CTBP2: variants seen among roughly 807,000 people sequenced by gnomAD.
CTBP2 encodes the protein C-terminal-binding protein 2.
A neutral mutation model predicts 80.3 loss-of-function variants in CTBP2; 30 were observed. The observed-to-expected ratio is 0.37, with a 90% confidence interval of 0.28 to 0.51. The LOEUF is 0.51. Ranked by LOEUF, CTBP2 falls within the 20% of genes least tolerant of loss-of-function variation. The pLI is 0.93. For synonymous variants in CTBP2, 594 were observed against 587.4 expected (o/e 1.01, Z -0.16); for missense variants, 1,212 against 1,375.3 (o/e 0.88, Z 1.88).
rs58704482 is a variant in CTBP2, at chr10:125,040,386, T to G, written c.-101-1231A>C. Among the ~76,000 whole-genome samples, 540 of 137,110 alleles carry G rather than the reference T, an allele frequency of 3.9e-3. 4 individuals are homozygous for G. Among genetic ancestry groups the G allele is most frequent in the African/African-American group, 0.015 (522 of 35,472 alleles). 89.9% of individuals were successfully genotyped at this position (137,110 alleles called of 152,430 possible). ...AAAAGAATCACGTGAATCTGGGAGG[T>G]GGAGGTTGCAGTGAGCTGAGGTTGT... On this transcript the variant is annotated intron_variant, in intron 2 of 10. Transcript: ENST00000337195.
chr10:125,043,989 G>A (rs11245481), intron 2 of CTBP2, among the ~76,000 whole-genome samples: 30,661 of 152,202 alleles, frequency 0.2, 3,839 homozygotes, highest in East Asian at 0.3. Context: ...TCCTGCCAAA[G>A]TTCTCTGAGT....
intron 2 of CTBP2, among the ~76,000 whole-genome samples, chr10:125,110,127 G>A (rs181919326): frequency 5.9e-5 from 9 of 152,316 alleles, no homozygotes; most frequent in African/African-American, 1.7e-4. Flanking sequence ...AAACCTCTCT[G>A]GGAACCAAAG....
At chr10:124,997,056 CGG>C (rs924035669) in intron 4 of CTBP2, 1 of 152,478 alleles carries the variant, frequency 6.6e-6, no homozygotes, top group Non-Finnish European at 1.5e-5. Context: ...GAGAGGAGCA[CGG>C]GGGCTTCGTC....
At chr10:125,044,408 T>G (rs944893830) in intron 2 of CTBP2, among the ~76,000 whole-genome samples, 5 of 151,868 alleles carry the variant, frequency 3.3e-5, no homozygotes, top group African/African-American at 1.2e-4. Flanking sequence ...CACCAATGAC[T>G]TCTGCCCAGA....
At chr10:124,992,558 C>T (rs1952822396) in intron 8 of CTBP2, 137 bp downstream of exon 10, 1 of 608,622 alleles carries the variant, frequency 1.6e-6, no homozygotes, top group East Asian at 2.8e-5. Flanking sequence ...GTACACAGTT[C>T]CTGCTGAGAA....
chr10:125,148,849 T>G (rs1456894418), intron 1 of CTBP2, among the ~76,000 whole-genome samples: 1 of 152,226 alleles, frequency 6.6e-6, no homozygotes, highest in South Asian at 2.1e-4. Flanking sequence ...TGAAGCCTCA[T>G]TCTTAATCCC....
intron 2 of CTBP2, among the ~76,000 whole-genome samples, chr10:125,098,750 C>CAGAGAGAGAGAGAGAGAGAGAGAG (rs1265217140): frequency 1.3e-5 from 1 of 75,482 alleles, no homozygotes; most frequent in Non-Finnish European, 2.4e-5. Context: ...GAGAGAGAGA[C>CAGAGAGAGAGAGAGAGAGAGAGAG]AGAGAGAGAG....
chr10:125,062,594 T>C (rs931332680), intron 2 of CTBP2, among the ~76,000 whole-genome samples: 12 of 152,134 alleles, frequency 7.9e-5, no homozygotes, highest in Non-Finnish European at 1.5e-5. Flanking sequence ...CCGGGTGCGG[T>C]AGCTCACACC....
At chr10:125,121,915 C>A (rs991547972) in intron 1 of CTBP2, among the ~76,000 whole-genome samples, 2 of 152,198 alleles carry the variant, frequency 1.3e-5, no homozygotes, top group African/African-American at 4.8e-5. Context: ...GTCCTCGATG[C>A]AGGTGACGCA....
At chr10:125,032,444 C>T (rs1399435297), upstream of CTBP2, among the ~76,000 whole-genome samples, 2 of 152,210 alleles carry the variant, frequency 1.3e-5, no homozygotes, top group African/African-American at 4.8e-5. Context: ...GAGCAATGCT[C>T]CTAATCAGGG....
intron 3 of CTBP2, 191 bp from the exon 6 acceptor site, chr10:124,998,361 C>A (rs1157459418): frequency 4.8e-6 from 3 of 629,582 alleles, no homozygotes; most frequent in Non-Finnish European, 8.3e-6. Context: ...AAGCTCTAGC[C>A]CCAACATCTA....
chr10:125,161,197 A>G (rs1300074335), upstream of CTBP2: 1 of 151,086 alleles, frequency 6.6e-6, no homozygotes, highest in Non-Finnish European at 1.5e-5. Flanking sequence ...GCTCCGCGAA[A>G]GTGCACACAA....
At chr10:125,161,904 G>A (rs983528259), upstream of CTBP2, among the ~76,000 whole-genome samples, 1 of 152,118 alleles carries the variant, frequency 6.6e-6, no homozygotes, top group Admixed American at 6.5e-5. Flanking sequence ...GTTGGAGTCT[G>A]CACAGCGAGC....
intron 2 of CTBP2, among the ~76,000 whole-genome samples, chr10:125,055,388 C>A (rs534270389): frequency 7.7e-4 from 117 of 152,250 alleles, no homozygotes; most frequent in Non-Finnish European, 1.4e-3. Flanking sequence ...CCTCATGTGC[C>A]CAGATGCTTG....
At chr10:125,070,998 G>A (rs1315673875) in intron 2 of CTBP2, among the ~76,000 whole-genome samples, 1 of 152,218 alleles carries the variant, frequency 6.6e-6, no homozygotes, top group East Asian at 1.9e-4. Flanking sequence ...CCCTCACACT[G>A]CATTCCTGCA....
At chr10:125,075,455 C>T (rs1846136426) in intron 2 of CTBP2, among the ~76,000 whole-genome samples, 1 of 152,154 alleles carries the variant, frequency 6.6e-6, no homozygotes, top group Non-Finnish European at 1.5e-5. Context: ...GCCCCTTGGT[C>T]AGGGAATGAC....
intron 1 of CTBP2, among the ~76,000 whole-genome samples, chr10:125,014,071 C>T (rs1034406226): frequency 4.6e-5 from 7 of 152,180 alleles, no homozygotes; most frequent in African/African-American, 1.7e-4. Context: ...CTAAAAGAGA[C>T]GTCATCATGG....
At position 125,067,597 on chromosome 10, in the gene CTBP2, T is replaced by G. The variant is rs570599569; in HGVS notation, c.-101-28442A>C. ...TTATATATGCCATTTATCAAACTTC[T>G]TATCTTACCATCTCAAAACCCAGGC... On this transcript the variant is annotated intron_variant, in intron 2 of 10. Transcript: ENST00000337195. Among the ~76,000 whole-genome samples the G allele has an allele frequency of 3.3e-5, 5 of 152,348 alleles. No individual in the cohort carries two copies. The East Asian group carries it at 9.6e-4, about 29-fold the overall frequency.
intron 2 of CTBP2, among the ~76,000 whole-genome samples, chr10:125,055,743 G>A (rs1414113938): frequency 1.3e-5 from 2 of 152,138 alleles, no homozygotes; most frequent in Non-Finnish European, 2.9e-5. Context: ...ATCATGAAAA[G>A]AAAAAAATCA....
Sources: allele counts gnomAD v4.1 joint callset (sites outside exome capture counted in the v4.1 genomes callset), GRCh38; gene constraint gnomAD v4.1.1; transcripts MANE v1.5; gene names NCBI Gene and HGNC (gene_info 2026-07-23, HGNC 2026-07-21).